Variants in PCDHA1 observed in about 807,000 individuals in gnomAD.
PCDHA1 encodes protocadherin alpha-1.
PCDHA1 carries 42 observed loss-of-function variants against 61.3 expected under a neutral mutation model. That is an observed-to-expected ratio of 0.69 (90% CI 0.54 to 0.89). The LOEUF (loss-of-function observed/expected upper bound fraction) is 0.89. Among genes scored for constraint, PCDHA1 ranks in the 40% least tolerant of loss-of-function variants. The pLI, the probability that PCDHA1 is intolerant of heterozygous loss-of-function variation, is 0.00. For synonymous variants in PCDHA1, 610 were observed against 553.8 expected (o/e 1.10, Z -1.43); for missense variants, 1,256 against 1,235.3 (o/e 1.02, Z -0.25).
chr5:140,834,546 G>A, intron 1 of PCDHA1: 1 of 1,614,062 alleles, frequency 6.2e-7, no homozygotes, highest in Non-Finnish European at 8.5e-7. Context: ...CCTGGGGCTG[G>A]AGCTGGCGGA....
chr5:140,836,400 G>A, intron 1 of PCDHA1: 1 of 1,613,760 alleles, frequency 6.2e-7, no homozygotes, highest in South Asian at 1.1e-5. Flanking sequence ...GGTGGAAAGC[G>A]GCCAGGCACC....
intron 1 of PCDHA1, chr5:140,877,314 G>C (rs2057020187): frequency 6.2e-7 from 1 of 1,613,972 alleles, no homozygotes; most frequent in Non-Finnish European, 8.5e-7. Flanking sequence ...TGCAACCGGC[G>C]GCGGTCGGCG....
At chr5:140,869,666 A>G (rs2051321419) in intron 1 of PCDHA1, 1 of 1,613,524 alleles carries the variant, frequency 6.2e-7, no homozygotes, top group East Asian at 2.2e-5. Context: ...AATGGTAAGC[A>G]GATTAAAAGA....
chr5:140,849,509 G>A, intron 1 of PCDHA1: 2 of 1,596,674 alleles, frequency 1.3e-6, no homozygotes, highest in Admixed American at 1.7e-5. Flanking sequence ...CACTTCTTGT[G>A]GAAGTTGTGG....
At chr5:140,872,589 C>T (rs1242242642) in intron 1 of PCDHA1, among the ~76,000 whole-genome samples, 1 of 151,922 alleles carries the variant, frequency 6.6e-6, no homozygotes, top group African/African-American at 2.4e-5. Flanking sequence ...ATCGTGAGAC[C>T]CCCATCTGAA....
chr5:141,000,359 CTG>C (rs1554257257), intron 3 of PCDHA1, among the ~76,000 whole-genome samples: 2 of 78,146 alleles, frequency 2.6e-5, no homozygotes, highest in South Asian at 4.6e-4. Context: ...CTGTCTCTCT[CTG>C]TCTCTCTCTC....
At chr5:140,921,967 G>GA (rs2080533534) in intron 1 of PCDHA1, among the ~76,000 whole-genome samples, 1 of 151,284 alleles carries the variant, frequency 6.6e-6, no homozygotes, top group Non-Finnish European at 1.5e-5. Context: ...AAAACCAAAG[G>GA]AAAAAATAGA....
intron 1 of PCDHA1, chr5:140,803,003 C>T: frequency 6.2e-7 from 1 of 1,614,064 alleles, no homozygotes; most frequent in Non-Finnish European, 8.5e-7. Flanking sequence ...CAGACTCAGG[C>T]TACAACGCGT....
chr5:140,894,098 T>C (rs1025974161), intron 1 of PCDHA1, among the ~76,000 whole-genome samples: 2 of 152,178 alleles, frequency 1.3e-5, no homozygotes, highest in Non-Finnish European at 2.9e-5. Flanking sequence ...TTCTAGCTCC[T>C]GGTGTTGCAG....
At chr5:140,829,649 C>T (rs1554132155) in intron 1 of PCDHA1, 7 of 1,612,288 alleles carry the variant, frequency 4.3e-6, no homozygotes, top group African/African-American at 1.3e-5. Context: ...GGTGTACGCG[C>T]TGCAGCCGCT....
chr5:140,962,757 T>C (rs1554226219), intron 1 of PCDHA1, among the ~76,000 whole-genome samples: 1 of 152,240 alleles, frequency 6.6e-6, no homozygotes, highest in Non-Finnish European at 1.5e-5. Context: ...GGAATCCTAT[T>C]CGTTTTTAAC....
chr5:140,916,563 G>A (rs2077621809), intron 1 of PCDHA1, among the ~76,000 whole-genome samples: 1 of 152,198 alleles, frequency 6.6e-6, no homozygotes, highest in African/African-American at 2.4e-5. Context: ...TGTCCAGGGT[G>A]TGTCTAGAAA....
intron 1 of PCDHA1, among the ~76,000 whole-genome samples, chr5:140,947,840 T>C (rs1554218335): frequency 6.6e-6 from 1 of 151,630 alleles, no homozygotes; most frequent in Non-Finnish European, 1.5e-5. Context: ...TAATATTTGT[T>C]TATTTATTTT....
intron 1 of PCDHA1, chr5:140,882,203 TGA>T: frequency 6.5e-7 from 1 of 1,530,090 alleles, no homozygotes; most frequent in Non-Finnish European, 8.8e-7. Flanking sequence ...AATTGGGCCT[TGA>T]GAGACAGTTT....
At position 140,833,364 on chromosome 5, in the gene PCDHA1, G is replaced by A. The variant is rs1298324769; in HGVS notation, c.2394+44680G>A. On this transcript the variant is annotated intron_variant, in intron 1 of 3. Transcript: ENST00000504120. ...ACATTCCAGAAAACGAACACAGTAA[G>A]GTAGATCCAAAAAGGATGAAATACC... Among the ~76,000 whole-genome samples the A allele has an allele frequency of 2.6e-5, 4 of 152,118 alleles. No homozygotes were observed. In the South Asian group the frequency reaches 8.3e-4, roughly 31 times the overall value.
chr5:140,953,340 C>T (rs2094876353), intron 1 of PCDHA1, among the ~76,000 whole-genome samples: 1 of 152,066 alleles, frequency 6.6e-6, no homozygotes, highest in Non-Finnish European at 1.5e-5. Context: ...TAGGGCTCAC[C>T]TTCTTTTGTT....
Position 140,788,030 on chromosome 5 carries a change from G to A in PCDHA1, c.1740G>A (p.Leu580=), listed in dbSNP as rs1554118089. 2.5e-6 allele frequency: 4 copies of A among 1,613,900 alleles called. No homozygotes were observed. In the African/African-American group the frequency reaches 4.0e-5, roughly 16 times the overall value. ...GCACTATTGGTGCAGTCAGTGAGCT[G>A]GTGCCGCGATTGGTGGGTGCGGGTC... The part of the protein sequence containing the change: ...VGGTIGAVSE[L]VPRLVGAGHV... Residue 580 remains leucine (L), a synonymous_variant, in exon 1 of 4, where the codon CTG becomes CTA. Transcript: ENST00000504120.
intron 3 of PCDHA1, among the ~76,000 whole-genome samples, chr5:140,985,577 G>GC (rs1195077647): frequency 6.6e-6 from 1 of 152,116 alleles, no homozygotes; most frequent in Non-Finnish European, 1.5e-5. Flanking sequence ...TGGTGCCTAA[G>GC]CCTCCTTATA....
chr5:140,946,611 A>AATATATATAT (rs1554217734), intron 1 of PCDHA1, among the ~76,000 whole-genome samples: 3,697 of 86,664 alleles, frequency 0.043, 168 homozygotes, highest in Non-Finnish European at 0.054. Flanking sequence ...GAAAATGTGA[A>AATATATATAT]ATATATATAT....
Sources: gnomAD v4.1 joint callset for allele counts (sites outside exome capture counted in the v4.1 genomes callset) on GRCh38, gnomAD v4.1.1 for gene constraint, MANE v1.5 for transcripts, NCBI Gene and HGNC (gene_info 2026-07-23, HGNC 2026-07-21) for gene names.